The following CSRP2 variants were observed in gnomAD, a reference collection of about 807,000 sequenced individuals.
CSRP2 encodes the protein cysteine and glycine rich protein 2.
A neutral mutation model predicts 24.6 loss-of-function variants in CSRP2; 18 were observed. The observed-to-expected ratio is 0.73, with a 90% confidence interval of 0.51 to 1.09. CSRP2 has a LOEUF of 1.09. Among genes scored for constraint, CSRP2 ranks in the 50% least tolerant of loss-of-function variants. CSRP2 has a pLI of 0.00. For missense variants in CSRP2, 215 were observed against 239.4 expected (o/e 0.90, Z 0.67); for synonymous variants, 87 against 84.3 (o/e 1.03, Z -0.18).
At chr12:76,866,602 C>A (rs575718636) in intron 1 of CSRP2, among the ~76,000 whole-genome samples, 1 of 152,140 alleles carries the variant, frequency 6.6e-6, no homozygotes, top group Non-Finnish European at 1.5e-5. Flanking sequence ...GAAAGGCAAG[C>A]CTTGTCCCCC....
At position 76,860,363 on chromosome 12, in the gene CSRP2, T is replaced by C. The variant is rs765179427; in HGVS notation, c.332A>G (p.Gln111Arg). 2 of 1,614,120 alleles carry C rather than the reference T, an allele frequency of 1.2e-6. No homozygotes were observed. The highest frequency in any genetic ancestry group is 2.2e-5 in the South Asian group (2 of 91,076). Residue 111 changes from glutamine to arginine, a missense_variant, in exon 4 of 6, where the codon CAG becomes CGG. Transcript: ENST00000311083. ...ACACTTCTCAGCACCTCCATATTTC[T>C]GAGCAAATTTAGAAGTGTTTGGATT... ...TTNPNTSKFA[Q>R]KYGGAEKCSR...
chr12:76,859,786 A>G (rs1456549058), intron 4 of CSRP2, 146 bp from the exon 5 acceptor site: 1 of 611,784 alleles, frequency 1.6e-6, no homozygotes, highest in East Asian at 2.7e-5. Flanking sequence ...GGCTGAAACC[A>G]GTCCTCAGTA....
chr12:76,860,166 G>A, intron 4 of CSRP2, 118 bp downstream of exon 4: 1 of 1,108,824 alleles, frequency 9.0e-7, no homozygotes, highest in Admixed American at 2.4e-5. Flanking sequence ...TTAAAGAAAA[G>A]TTTCATATAA....
At chr12:76,877,258 T>G (rs1953861765) in intron 1 of CSRP2, among the ~76,000 whole-genome samples, 1 of 152,222 alleles carries the variant, frequency 6.6e-6, no homozygotes, top group Admixed American at 6.5e-5. Flanking sequence ...TTCTTGCTGT[T>G]TTAGGATAAA....
chr12:76,866,238 T>C lies in CSRP2; in HGVS notation c.23A>G (p.Asn8Ser), dbSNP rs1467654079. Residue 8 changes from asparagine (N) to serine (S), a missense_variant, in exon 2 of 6, where the codon AAC (asparagine) becomes AGC (serine). Coordinates refer to ENST00000311083, the MANE Select transcript of CSRP2 (RefSeq NM_001321.3). Reference protein sequence around the residue: MPVWGGGNKCGACGRTVY... With the variant: MPVWGGGSKCGACGRTVY... The stretch of plus-strand genomic sequence containing the variant: ...GGTCCTCCCACAGGCCCCACACTTG[T>C]TTCCACCTCCCCAGACAGGCATTCT... 1.2e-6 allele frequency: 2 copies of C among 1,613,930 alleles called. No individual in the cohort carries two copies. The highest frequency in any genetic ancestry group is 2.7e-5 in the African/African-American group (2 of 74,902).
At chr12:76,870,294 C>A (rs1293375367) in intron 1 of CSRP2, among the ~76,000 whole-genome samples, 1 of 152,136 alleles carries the variant, frequency 6.6e-6, no homozygotes, top group African/African-American at 2.4e-5. Flanking sequence ...AAAGGAAAAC[C>A]CAACTAATAA....
intron 2 of CSRP2, among the ~76,000 whole-genome samples, chr12:76,865,377 T>C (rs1454675735): frequency 6.6e-6 from 1 of 152,236 alleles, no homozygotes; most frequent in African/African-American, 2.4e-5. Flanking sequence ...ATGTAGTATT[T>C]TTATTTTTTT....
At chr12:76,877,770 C>A (rs1484458295) in intron 1 of CSRP2, among the ~76,000 whole-genome samples, 1 of 152,156 alleles carries the variant, frequency 6.6e-6, no homozygotes, top group Admixed American at 6.5e-5. Flanking sequence ...ATGTTAGATT[C>A]TCCCTTTCAA....
intron 1 of CSRP2, among the ~76,000 whole-genome samples, chr12:76,870,975 C>CAA (rs398020213): frequency 0.51 from 28,945 of 57,128 alleles, 7,938 homozygotes; most frequent in East Asian, 0.63. Context: ...GACCCTGTCT[C>CAA]AAAAAAAAAA....
chr12:76,872,961 G>A (rs1270594711), intron 1 of CSRP2, among the ~76,000 whole-genome samples: 2 of 152,056 alleles, frequency 1.3e-5, no homozygotes, highest in African/African-American at 2.4e-5. Flanking sequence ...TGACTACCTG[G>A]GCCATTCTCA....
chr12:76,863,119 A>G, intron 3 of CSRP2, 57 bp downstream of exon 3: 1 of 1,545,516 alleles, frequency 6.5e-7, no homozygotes, highest in Non-Finnish European at 8.7e-7. Flanking sequence ...CTGTTCAGCA[A>G]GCGGCACTAA....
At chr12:76,860,147 G>GA in intron 4 of CSRP2, 137 bp downstream of exon 4, 1 of 887,870 alleles carries the variant, frequency 1.1e-6, no homozygotes, top group Non-Finnish European at 1.7e-6. Context: ...GATTCTGATG[G>GA]AAATGCATTT....
At chr12:76,860,990 GATT>G (rs2137822076) in intron 3 of CSRP2, 1 of 152,208 alleles carries the variant, frequency 6.6e-6, no homozygotes, top group South Asian at 2.1e-4. Context: ...TATAAATTTT[GATT>G]ATTACTATGC....
Position 76,871,730 on chromosome 12 carries a change from G to C in CSRP2, c.-1-5469C>G, listed in dbSNP as rs920541295. 1.3e-4 allele frequency among the ~76,000 whole-genome samples: 19 copies of C among 148,318 alleles called. 1 individual carries two copies. Among genetic ancestry groups the C allele is most frequent in the Admixed American group, 6.1e-4 (9 of 14,722 alleles). Reference sequence around the variant, plus strand: ...AGTGAGCCGAGATAGTGCCACTGCAGTCCCGCCTGGGTGAAACTGCAAGAC... The same window carrying C: ...AGTGAGCCGAGATAGTGCCACTGCACTCCCGCCTGGGTGAAACTGCAAGAC... On this transcript the variant is annotated intron_variant, in intron 1 of 5. Transcript: ENST00000311083.
chr12:76,860,381 T>C lies in CSRP2; in HGVS notation c.314A>G (p.Asn105Ser), dbSNP rs1427582555. 6.2e-7 allele frequency: 1 copy of C among 1,614,030 alleles called. No individual in the cohort carries two copies. The stretch of plus-strand genomic sequence containing the variant: ...ATATTTCTGAGCAAATTTAGAAGTG[T>C]TTGGATTTGTTGTAGGCCTGTGAGG... ...VQPHRPTTNP[N>S]TSKFAQKYGG... The change falls in exon 4 of 6, where the codon AAC becomes AGC. Residue 105 changes from asparagine to serine, a missense_variant. Coordinates refer to ENST00000311083, the MANE Select transcript of CSRP2 (RefSeq NM_001321.3).
At position 76,862,918 on chromosome 12, in the gene CSRP2, ACTTG is replaced by A. The variant is rs1380971999; in HGVS notation, c.281+254_281+257del. 5 of 1,518,266 alleles carry A rather than the reference ACTTG, an allele frequency of 3.3e-6. No individual in the cohort carries two copies. In the South Asian group the frequency reaches 5.0e-5, roughly 15 times the overall value. 94.0% of individuals were successfully genotyped at this position (1,518,266 alleles called of 1,614,324 possible). ...TGTGAAATTGAAGTAAATACAAATC[ACTTG>A]CTTTTGAGAACACGACTCCTTGATA... On this transcript the variant is annotated intron_variant, in intron 3 of 5. Coordinates refer to ENST00000311083, the MANE Select transcript of CSRP2 (RefSeq NM_001321.3).
chr12:76,865,983 C>G (rs928951897), intron 2 of CSRP2, 166 bp downstream of exon 2: 48 of 605,794 alleles, frequency 7.9e-5, no homozygotes, highest in Admixed American at 5.6e-4. Flanking sequence ...CCCCTCCTGT[C>G]TTCGCTGCTA....
chr12:76,868,953 A>C (rs1288827001), intron 1 of CSRP2, among the ~76,000 whole-genome samples: 2 of 151,996 alleles, frequency 1.3e-5, no homozygotes, highest in East Asian at 3.9e-4. Flanking sequence ...AAAAAAAAAA[A>C]AAGAAAAGCA....
In CSRP2 at chr12:76,866,244, C is replaced by A. The variant is rs1303585211; in HGVS notation, c.17G>T (p.Gly6Val). Residue 6 changes from glycine to valine, a missense_variant, in exon 2 of 6, where the codon GGT becomes GTT. Transcript: ENST00000311083. MPVWG[G>V]GNKCGACGRT... is the part of the protein sequence containing the mutation. ...CCCACAGGCCCCACACTTGTTTCCA[C>A]CTCCCCAGACAGGCATTCTGAAGGA... 4 of 1,614,028 alleles carry A rather than the reference C, an allele frequency of 2.5e-6. No homozygotes were observed. Among genetic ancestry groups the A allele is most frequent in the Non-Finnish European group, 3.4e-6 (4 of 1,179,928 alleles).
Sources: allele counts gnomAD v4.1 joint callset (sites outside exome capture counted in the v4.1 genomes callset), GRCh38; gene constraint gnomAD v4.1.1; transcripts MANE v1.5; gene names NCBI Gene and HGNC (gene_info 2026-07-23, HGNC 2026-07-21).